Variants in FAAP100 observed in about 807,000 individuals in gnomAD.
FAAP100 encodes the protein Fanconi anemia core complex-associated protein 100.
Under a neutral mutation model 65.8 loss-of-function variants are expected in FAAP100, and 46 were observed. The ratio of observed to expected loss-of-function variants is 0.70; its 90% confidence interval spans 0.55 to 0.89. The LOEUF (loss-of-function observed/expected upper bound fraction) is 0.89. Among genes scored for constraint, FAAP100 ranks in the 40% least tolerant of loss-of-function variants. The probability of loss-of-function intolerance (pLI) is 0.00; values close to 1 mark genes in which losing one functional copy is unlikely to be tolerated. For synonymous variants in FAAP100, 663 were observed against 555.1 expected (o/e 1.19, Z -2.73); for missense variants, 1,165 against 1,196.7 (o/e 0.97, Z 0.39).
In FAAP100 at chr17:81,540,725, C is replaced by A; in HGVS notation, c.*94G>T. The A allele has an allele frequency of 1.4e-6, 2 of 1,395,658 alleles. No individual in the cohort carries two copies. Among genetic ancestry groups the A allele is most frequent in the South Asian group, 3.1e-5 (2 of 63,940 alleles). The allele number at this position is 1,395,658 out of a possible 1,614,324, so 86.5% of individuals were successfully genotyped here. ...TCCTACCTTCCCTGACGGCTCTGGC[C>A]AGGCCAGCTCGGTTTCCCTCTAACC... is the stretch of plus-strand genomic sequence containing the variant. On this transcript the variant is annotated 3_prime_UTR_variant, in exon 9 of 9. Transcript: ENST00000327787.
At chr17:81,546,807 T>C (rs1243305834) in intron 5 of FAAP100, 102 bp downstream of exon 5, 13 of 1,194,642 alleles carry the variant, frequency 1.1e-5, no homozygotes, top group African/African-American at 1.6e-5. Flanking sequence ...TGAGCCATGA[T>C]TGCACCACTG....
At position 81,550,394 on chromosome 17, in the gene FAAP100, C is replaced by T. The variant is rs755921407; in HGVS notation, c.1100G>A (p.Cys367Tyr). 2 of 1,612,664 alleles carry T rather than the reference C, an allele frequency of 1.2e-6. No homozygotes were observed. Among genetic ancestry groups the T allele is most frequent in the African/African-American group, 1.3e-5 (1 of 74,934 alleles). The change falls in exon 3 of 9, where the codon TGT (cysteine) becomes TAT (tyrosine). Residue 367 changes from cysteine to tyrosine, a missense_variant. Coordinates refer to ENST00000327787, the MANE Select transcript of FAAP100 (RefSeq NM_025161.6). ...GCTTCCCCGAGACAGATCCACCACA[C>T]AGAGGTCAGAAGGGGTGCTGTGGTA... ...RVYHSTPSDL[C>Y]VVDLSRGSTP...
Position 81,549,339 on chromosome 17 carries a change from A to T in FAAP100, c.1270T>A (p.Ser424Thr), listed in dbSNP as rs747897501. The stretch of plus-strand genomic sequence containing the variant: ...CAGGTCATCAGGCGGCCTTTGGCGG[A>T]CAGGGCCAGGAGCTTGGTGCCACCT... ...HEGGTKLLAL[S>T]AKGRLMTCSL... The change falls in exon 4 of 9, where the codon TCC becomes ACC. Residue 424 changes from serine (S) to threonine (T), a missense_variant. Coordinates refer to ENST00000327787, the MANE Select transcript of FAAP100 (RefSeq NM_025161.6). 1.2e-6 allele frequency: 2 copies of T among 1,611,286 alleles called. No homozygotes were observed. Among genetic ancestry groups the T allele is most frequent in the East Asian group, 4.5e-5 (2 of 44,846 alleles).
chr17:81,550,363 C>G lies in FAAP100; in HGVS notation c.1131G>C (p.Pro377=). 1 of 1,612,816 alleles carries G rather than the reference C, an allele frequency of 6.2e-7. No individual in the cohort carries two copies. Among genetic ancestry groups the G allele is most frequent in the African/African-American group, 1.3e-5 (1 of 75,060 alleles). ...CVVDLSRGST[P]LGPEQPEEGP... ...CTTCTTCGGGCTGCTCAGGGCCCAG[C>G]GGGGTGCTTCCCCGAGACAGATCCA... The change falls in exon 3 of 9, where the codon CCG becomes CCC. Residue 377 remains proline, a synonymous_variant. Transcript: ENST00000327787.
chr17:81,546,502 T>A (rs990182443), intron 5 of FAAP100: 1 of 171,160 alleles, frequency 5.8e-6, no homozygotes, highest in Non-Finnish European at 1.2e-5. Context: ...CTCTTCTGTA[T>A]TTAGGTTACG....
At chr17:81,541,181 A>T in intron 8 of FAAP100, 128 bp downstream of exon 8, 1 of 1,192,616 alleles carries the variant, frequency 8.4e-7, no homozygotes, top group Admixed American at 2.1e-5. Flanking sequence ...ACTTTGCCCC[A>T]GGCCCATGGG....
chr17:81,543,003 C>G (rs1053498260), intron 7 of FAAP100, among the ~76,000 whole-genome samples: 5 of 152,350 alleles, frequency 3.3e-5, no homozygotes, highest in African/African-American at 1.2e-4. Flanking sequence ...CGTGAGATCA[C>G]TGGGGTCATG....
chr17:81,542,490 C>A (rs2033152225), intron 7 of FAAP100, among the ~76,000 whole-genome samples: 1 of 152,190 alleles, frequency 6.6e-6, no homozygotes, highest in South Asian at 2.1e-4. Flanking sequence ...AGGGGCAGCA[C>A]TGGCCTGCCG....
chr17:81,548,086 C>G, intron 4 of FAAP100: 2 of 636,320 alleles, frequency 3.1e-6, no homozygotes, highest in Non-Finnish European at 5.7e-6. Flanking sequence ...CCCTTGCAGC[C>G]TTCACAGTGA....
intron 4 of FAAP100, 34 bp downstream of exon 4, chr17:81,549,172 C>G (rs761758023): frequency 1.2e-6 from 2 of 1,606,234 alleles, no homozygotes; most frequent in Non-Finnish European, 1.7e-6. Flanking sequence ...GATGGCAGCG[C>G]CAGCCTCTAC....
chr17:81,551,399 A>C (rs1376063224), intron 2 of FAAP100, among the ~76,000 whole-genome samples, 196 bp from the exon 3 acceptor site: 1 of 152,218 alleles, frequency 6.6e-6, no homozygotes, highest in East Asian at 1.9e-4. Flanking sequence ...CAGGCATCCA[A>C]AACCAGCGTG....
chr17:81,550,817 C>T lies in FAAP100; in HGVS notation c.677G>A (p.Gly226Glu). Residue 226 changes from glycine to glutamate, a missense_variant, in exon 3 of 9, where the codon GGG becomes GAG. Coordinates refer to ENST00000327787, the MANE Select transcript of FAAP100 (RefSeq NM_025161.6). ...GGTGGCATCAGCTCCAAAGAGGAGCCCGAAGAGGGCGTCCTCCAGCGTGAA... is the reference window on the plus strand; with the variant it reads ...GGTGGCATCAGCTCCAAAGAGGAGCTCGAAGAGGGCGTCCTCCAGCGTGAA... ...GGFTLEDALFGLLFGADATLL... is the reference protein window; with the variant it reads ...GGFTLEDALFELLFGADATLL... 1 of 1,612,400 alleles carries T rather than the reference C, an allele frequency of 6.2e-7. No homozygotes were observed. The highest frequency in any genetic ancestry group is 8.5e-7 in the Non-Finnish European group (1 of 1,179,724).
In FAAP100 at chr17:81,547,372, G is replaced by C. The variant is rs1172700312; in HGVS notation, c.1710C>G (p.Asp570Glu). ...CCCGCCGAGCACCGGGGCCGAGCTG[G>C]TCCACGGGGATGGTGTAGGTGATGG... ...CSAITYTIPV[D>E]QLGPGARREV... is the part of the protein sequence containing the mutation. Residue 570 changes from aspartate (D) to glutamate (E), a missense_variant, in exon 5 of 9, where the codon GAC becomes GAG. Asp to Glu is a conservative substitution (Grantham distance 45). Transcript: ENST00000327787. The C allele has an allele frequency of 6.2e-7, 1 of 1,612,880 alleles. No homozygotes were observed. The highest frequency in any genetic ancestry group is 1.1e-5 in the South Asian group (1 of 91,086).
rs893136748 is a variant in FAAP100 at position 81,551,806 on chromosome 17, G to A, written c.290+122C>T. 1.0e-5 allele frequency: 14 copies of A among 1,381,980 alleles called. 1 individual carries two copies. In the South Asian group the frequency reaches 1.6e-4, roughly 16 times the overall value. The allele number at this position is 1,381,980 out of a possible 1,614,324, so 85.6% of individuals were successfully genotyped here. ...TCCAGATAATCGGGCAGGGATGGCG[G>A]CCGAGGCTTCAGAGCTGGCGGCAGC... On this transcript the variant is annotated intron_variant, in intron 2 of 8. Transcript: ENST00000327787.
At position 81,551,058 on chromosome 17, in the gene FAAP100, C is replaced by T; in HGVS notation, c.436G>A (p.Gly146Ser). 6.3e-7 allele frequency: 1 copy of T among 1,598,378 alleles called. No individual in the cohort carries two copies. Among genetic ancestry groups the T allele is most frequent in the Non-Finnish European group, 8.5e-7 (1 of 1,172,914 alleles). The part of the protein sequence containing the change: ...LDSVLVTLVQ[G>S]PARWKMQLFE... The stretch of plus-strand genomic sequence containing the variant: ...AGCTGCATCTTCCATCGGGCAGGGC[C>T]CTGCACCAGGGTGACCAGCACACTG... The change falls in exon 3 of 9, where the codon GGC (glycine) becomes AGC (serine). Residue 146 changes from glycine (G) to serine (S), a missense_variant. Coordinates refer to ENST00000327787, the MANE Select transcript of FAAP100 (RefSeq NM_025161.6).
At position 81,544,055 on chromosome 17, in the gene FAAP100, G is replaced by GGA. The variant is rs778994775; in HGVS notation, c.2374_2375dup (p.Ser793ProfsTer21). On this transcript the variant is annotated frameshift_variant, in exon 7 of 9. Coordinates refer to ENST00000327787, the MANE Select transcript of FAAP100 (RefSeq NM_025161.6). LOFTEE classifies it high-confidence loss of function. ...GCGCCCTGCAAATGTCGGCCAGAGA[G>GGA]GAGCTTTCCACTTGAATCTCCACGG... 6.2e-7 allele frequency: 1 copy of GGA among 1,612,738 alleles called. No homozygotes were observed. Among genetic ancestry groups the GGA allele is most frequent in the African/African-American group, 1.3e-5 (1 of 75,064 alleles).
In FAAP100 at chr17:81,551,089, C is replaced by G. The variant is rs780888809; in HGVS notation, c.405G>C (p.Leu135Phe). 6 of 1,572,364 alleles carry G rather than the reference C, an allele frequency of 3.8e-6. No homozygotes were observed. The East Asian group carries it at 1.2e-4, about 31-fold the overall frequency. Residue 135 changes from leucine to phenylalanine, a missense_variant, in exon 3 of 9, where the codon TTG (leucine) becomes TTC (phenylalanine). Physicochemically the swap from Leu to Phe is conservative, Grantham distance 22. Transcript: ENST00000327787. ...CCAGGGTGACCAGCACACTGTCCAGCAAGGTGAACGCGCACAGCGCAGCAT... is the reference window on the plus strand; with the variant it reads ...CCAGGGTGACCAGCACACTGTCCAGGAAGGTGAACGCGCACAGCGCAGCAT... ...LPDAALCAFT[L>F]LDSVLVTLVQ...
At chr17:81,551,884 G>T in intron 2 of FAAP100, 44 bp downstream of exon 2, 4 of 1,506,470 alleles carry the variant, frequency 2.7e-6, no homozygotes, top group Non-Finnish European at 3.5e-6. Flanking sequence ...GCAGTCCGGG[G>T]GCAGCAGGAG....
rs1163263115 is a variant in FAAP100, at chr17:81,549,041, G to GAAA, written c.1403+162_1403+164dup. 4.5e-3 allele frequency among the ~76,000 whole-genome samples: 299 copies of GAAA among 66,294 alleles called. 10 individuals carry two copies. The highest frequency in any genetic ancestry group is 0.013 in the African/African-American group (207 of 16,492). 43.5% of individuals were successfully genotyped at this position (66,294 alleles called of 152,430 possible). On this transcript the variant is annotated intron_variant, in intron 4 of 8. Transcript: ENST00000327787. ...GGTGACAGCGTGAGACTCCGTCTCAGAAAAAAAAAAAAAAAAAAAAAAAAA... is the reference window on the plus strand; with the variant it reads ...GGTGACAGCGTGAGACTCCGTCTCAGAAAAAAAAAAAAAAAAAAAAAAAAAAAA...
Sources: allele counts gnomAD v4.1 joint callset (sites outside exome capture counted in the v4.1 genomes callset), GRCh38; gene constraint gnomAD v4.1.1; transcripts MANE v1.5; gene names NCBI Gene and HGNC (gene_info 2026-07-23, HGNC 2026-07-21).